Variants in PCDHA9 observed in about 807,000 individuals in gnomAD.
PCDHA9 encodes protocadherin alpha-9.
In PCDHA9, 62 loss-of-function variants were observed where a neutral mutation model predicts 62.0. The observed-to-expected ratio is 1.00, with a 90% CI of 0.81 to 1.23. The LOEUF is 1.23. Ranked by LOEUF, PCDHA9 falls within the 50% of genes most tolerant of loss-of-function variation. The pLI is 0.00. For synonymous variants in PCDHA9, 557 were observed against 567.6 expected, an observed-to-expected ratio of 0.98 and a Z score of 0.27; for missense variants, 1,205 against 1,249.8, an observed-to-expected ratio of 0.96 and a Z score of 0.54.
At position 140,849,715 on chromosome 5, in the gene PCDHA9, T is replaced by A. The variant is rs2150446343; in HGVS notation, c.1220T>A (p.Leu407Ter). Reference protein sequence around the residue: ...LVSTYKNYYSLVLDRALDRES... With the variant: ...LVSTYKNYYS The stretch of plus-strand genomic sequence containing the variant: ...TCCACCTACAAGAATTACTACTCGT[T>A]GGTGCTGGACAGAGCTCTGGACCGC... The change falls in exon 1 of 4, where the codon TTG (leucine) becomes TAG (stop). Residue 407 changes from leucine to a stop codon, truncating the protein, a stop_gained. Transcript: ENST00000532602. LOFTEE classifies it high-confidence loss of function. 2 of 1,598,584 alleles carry A rather than the reference T, an allele frequency of 1.3e-6. No homozygotes were observed.
At chr5:140,863,138 T>C (rs781967810) in intron 1 of PCDHA9, 2 of 604,914 alleles carry the variant, frequency 3.3e-6, no homozygotes, top group Non-Finnish European at 6.4e-6. Context: ...CGCCTGCTGG[T>C]GCTGGTGAAG....
chr5:140,882,798 A>G, intron 1 of PCDHA9: 1 of 1,614,236 alleles, frequency 6.2e-7, no homozygotes, highest in South Asian at 1.1e-5. Context: ...CCCAACGATT[A>G]TTTCACTTTG....
intron 1 of PCDHA9, among the ~76,000 whole-genome samples, chr5:140,960,522 T>C (rs1261145307): frequency 6.6e-6 from 1 of 152,090 alleles, no homozygotes; most frequent in African/African-American, 2.4e-5. Flanking sequence ...ATAATGGGTA[T>C]AGGAAAGAGA....
intron 1 of PCDHA9, chr5:140,868,455 A>C (rs2050469160): frequency 6.6e-6 from 1 of 152,444 alleles, no homozygotes; most frequent in Non-Finnish European, 1.5e-5. Flanking sequence ...TAAACACTAA[A>C]GAGCTGCTTT....
rs183950754 is a variant in PCDHA9, at chr5:140,960,187, T to G, written c.2395-18762T>G. On this transcript the variant is annotated intron_variant, in intron 1 of 3. Coordinates refer to ENST00000532602, the MANE Select transcript of PCDHA9 (RefSeq NM_031857.2). ...CAATTCTTAAGTTAGGGGTTGCATG[T>G]GTAGTGGTCAGATGTTATTTCAGGA... 3.5e-3 allele frequency among the ~76,000 whole-genome samples: 529 copies of G among 152,196 alleles called. 22 individuals are homozygous for G. Among genetic ancestry groups the G allele is most frequent in the Admixed American group, 0.032 (493 of 15,274 alleles).
intron 1 of PCDHA9, chr5:140,871,673 C>A: frequency 8.7e-7 from 1 of 1,142,932 alleles, no homozygotes; most frequent in Non-Finnish European, 1.2e-6. Flanking sequence ...GTCTTTTAAT[C>A]ATATGAATAA....
intron 1 of PCDHA9, among the ~76,000 whole-genome samples, chr5:140,899,014 T>C (rs2067098044): frequency 6.6e-6 from 1 of 151,934 alleles, no homozygotes. Context: ...TGTATAAGAA[T>C]GCTTGTGATT....
chr5:140,968,832 C>A (rs1554231147), intron 1 of PCDHA9: 1 of 1,614,200 alleles, frequency 6.2e-7, no homozygotes, highest in East Asian at 2.2e-5. Flanking sequence ...AAAATCCTCC[C>A]TGACACTCAG....
intron 1 of PCDHA9, chr5:140,876,915 C>G: frequency 6.2e-7 from 1 of 1,613,966 alleles, no homozygotes; most frequent in East Asian, 2.2e-5. Flanking sequence ...CGGCATGGGA[C>G]GCGGACGCGC....
At chr5:140,986,397 C>T (rs943993265) in intron 3 of PCDHA9, among the ~76,000 whole-genome samples, 8 of 152,280 alleles carry the variant, frequency 5.3e-5, no homozygotes, top group Admixed American at 3.9e-4. Flanking sequence ...AAGGGCCAGT[C>T]GCTCATGTTA....
At chr5:140,852,770 T>C in intron 1 of PCDHA9, 7 of 981,816 alleles carry the variant, frequency 7.1e-6, no homozygotes, top group Non-Finnish European at 8.6e-6. Flanking sequence ...TCTGATTATT[T>C]GATGTGAATA....
At chr5:140,870,425 C>T (rs531014522) in intron 1 of PCDHA9, 19 of 1,614,072 alleles carry the variant, frequency 1.2e-5, no homozygotes, top group Non-Finnish European at 1.5e-5. Context: ...GCCAGGGTAT[C>T]CGTGGAGGTG....
At chr5:140,997,264 A>G (rs1554255813) in intron 3 of PCDHA9, among the ~76,000 whole-genome samples, 3 of 152,154 alleles carry the variant, frequency 2.0e-5, no homozygotes. Context: ...CACTCTTCCA[A>G]ATATTTCTTG....
intron 1 of PCDHA9, chr5:140,868,381 A>C (rs1554161945): frequency 2.0e-5 from 3 of 152,316 alleles, no homozygotes; most frequent in Non-Finnish European, 4.4e-5. Flanking sequence ...GTAAAGAATG[A>C]GAACTATAGA....
chr5:140,895,841 C>T (rs1389575745), intron 1 of PCDHA9, among the ~76,000 whole-genome samples: 1 of 152,092 alleles, frequency 6.6e-6, no homozygotes, highest in Admixed American at 6.6e-5. Flanking sequence ...GACAAAGTCT[C>T]ACTCTTGTAC....
chr5:140,858,362 C>A, intron 1 of PCDHA9: 1 of 1,591,614 alleles, frequency 6.3e-7, no homozygotes, highest in Non-Finnish European at 8.6e-7. Flanking sequence ...GGCCTTCAGC[C>A]CCAGCCTTCC....
chr5:140,852,584 T>G, intron 1 of PCDHA9: 1 of 824,250 alleles, frequency 1.2e-6, no homozygotes, highest in Non-Finnish European at 1.5e-6. Flanking sequence ...GCTTTTTTAT[T>G]TTTTTTTTTT....
At chr5:141,007,156 G>A (rs1289202250) in intron 3 of PCDHA9, among the ~76,000 whole-genome samples, 2 of 152,148 alleles carry the variant, frequency 1.3e-5, no homozygotes, top group Non-Finnish European at 1.5e-5. Context: ...AACTGTCAAA[G>A]AACAGTCAGA....
At chr5:140,897,993 A>G (rs2066447415) in intron 1 of PCDHA9, among the ~76,000 whole-genome samples, 1 of 152,184 alleles carries the variant, frequency 6.6e-6, no homozygotes, top group African/African-American at 2.4e-5. Flanking sequence ...TCTTCTTTTG[A>G]GAAGTGTCTG....
Sources: gnomAD v4.1 joint callset for allele counts (sites outside exome capture counted in the v4.1 genomes callset) on GRCh38, gnomAD v4.1.1 for gene constraint, MANE v1.5 for transcripts, NCBI Gene and HGNC (gene_info 2026-07-23, HGNC 2026-07-21) for gene names.